Variants in FAM185A observed in about 807,000 individuals in gnomAD.
FAM185A encodes protein FAM185A.
In FAM185A, 21 loss-of-function variants were observed where a neutral mutation model predicts 45.7. The ratio of observed to expected loss-of-function variants is 0.46; its 90% CI spans 0.33 to 0.66. FAM185A has a LOEUF of 0.66. FAM185A is among the 30% of genes least tolerant of loss of function. FAM185A has a pLI of 0.03. For missense variants in FAM185A, 305 were observed against 485.4 expected (o/e 0.63, Z 3.49); for synonymous variants, 117 against 194.0 (o/e 0.60, Z 3.30).
downstream of FAM185A, among the ~76,000 whole-genome samples, chr7:102,811,200 A>C (rs1006050205): frequency 6.6e-6 from 1 of 152,162 alleles, no homozygotes; most frequent in East Asian, 1.9e-4. Context: ...CATAAGCATA[A>C]CAGCAGTCAA....
At chr7:102,770,930 T>A (rs1794707078) in intron 4 of FAM185A, among the ~76,000 whole-genome samples, 1 of 152,250 alleles carries the variant, frequency 6.6e-6, no homozygotes, top group Non-Finnish European at 1.5e-5. Context: ...GCAGCTCTAT[T>A]CACAATAGCA....
At chr7:102,776,309 C>T (rs1191579440) in intron 5 of FAM185A, among the ~76,000 whole-genome samples, 1 of 151,362 alleles carries the variant, frequency 6.6e-6, no homozygotes, top group Non-Finnish European at 1.5e-5. Context: ...ATTCAATTGC[C>T]ATGGGAGAAA....
chr7:102,832,873 G>C, the FAM185A span: 1 of 1,614,194 alleles, frequency 6.2e-7, no homozygotes, highest in Non-Finnish European at 8.5e-7. Flanking sequence ...GAGATGTGAG[G>C]TTAATGCAGT....
chr7:102,783,751 C>T (rs1175841706), intron 6 of FAM185A, among the ~76,000 whole-genome samples: 3 of 151,978 alleles, frequency 2.0e-5, no homozygotes, highest in Non-Finnish European at 4.4e-5. Flanking sequence ...AAAATTGACA[C>T]CCTAACATCA....
chr7:102,816,884 T>A, the FAM185A span, among the ~76,000 whole-genome samples: 1 of 152,228 alleles, frequency 6.6e-6, no homozygotes, highest in Non-Finnish European at 1.5e-5. Flanking sequence ...CTCTGTTAAT[T>A]CACTTAGGAT....
At chr7:102,783,347 A>G (rs540935718) in intron 6 of FAM185A, among the ~76,000 whole-genome samples, 89 of 152,294 alleles carry the variant, frequency 5.8e-4, no homozygotes, top group Admixed American at 1.3e-3. Flanking sequence ...CAGAATATAC[A>G]TTCTTCTCAG....
the FAM185A span, among the ~76,000 whole-genome samples, chr7:102,849,363 C>CT: frequency 6.6e-6 from 1 of 152,232 alleles, no homozygotes; most frequent in Non-Finnish European, 1.5e-5. Flanking sequence ...GACACTGACT[C>CT]TGCGTGTGCT....
At chr7:102,821,501 G>C in the FAM185A span, among the ~76,000 whole-genome samples, 130 of 152,296 alleles carry the variant, frequency 8.5e-4, 3 homozygotes, top group South Asian at 0.025. Flanking sequence ...CTACATGCTT[G>C]AGCCACATTG....
chr7:102,824,785 CTTTTTT>C, the FAM185A span, among the ~76,000 whole-genome samples: 4 of 124,116 alleles, frequency 3.2e-5, no homozygotes, highest in African/African-American at 1.2e-4. Context: ...CATGCCCGGC[CTTTTTT>C]TTTTTTTTTT....
At chr7:102,792,005 C>T (rs532807488) in intron 7 of FAM185A, among the ~76,000 whole-genome samples, 161 of 150,524 alleles carry the variant, frequency 1.1e-3, no homozygotes, top group African/African-American at 3.8e-3. Context: ...GAGCTCAGCT[C>T]ATCTTGGCCT....
At chr7:102,754,823 T>C (rs1793602593) in intron 2 of FAM185A, among the ~76,000 whole-genome samples, 1 of 152,270 alleles carries the variant, frequency 6.6e-6, no homozygotes, top group Admixed American at 6.5e-5. Flanking sequence ...ACTAATTGAA[T>C]GTCACACATT....
chr7:102,849,923 T>C, the FAM185A span, among the ~76,000 whole-genome samples: 26 of 152,000 alleles, frequency 1.7e-4, no homozygotes, highest in East Asian at 5.0e-3. Flanking sequence ...TACAGGTCAA[T>C]AGGTGCAGCA....
intron 2 of FAM185A, among the ~76,000 whole-genome samples, chr7:102,752,814 A>C (rs1584268371): frequency 1.4e-5 from 2 of 139,846 alleles, no homozygotes; most frequent in South Asian, 4.7e-4. Context: ...TGTTACTCTT[A>C]GTGCTTCTTG....
intron 2 of FAM185A, among the ~76,000 whole-genome samples, chr7:102,753,672 T>G (rs1477344368): frequency 6.6e-6 from 1 of 151,912 alleles, no homozygotes; most frequent in African/African-American, 2.4e-5. Flanking sequence ...CTTATTTAGT[T>G]TTTTTAAAAA....
Position 102,772,396 on chromosome 7 carries a change from T to G in FAM185A, c.794-13T>G. On this transcript the variant is annotated splice_polypyrimidine_tract_variant and intron_variant, in intron 4 of 7. Transcript: ENST00000413034. ...GTCTCTAGTACATAAAAGTATCTTT[T>G]TCTTTTTGGCAGGTAATATAACATT... 2 of 1,531,724 alleles carry G rather than the reference T, an allele frequency of 1.3e-6. No individual in the cohort carries two copies. Among genetic ancestry groups the G allele is most frequent in the Non-Finnish European group, 1.8e-6 (2 of 1,134,818 alleles). The allele number at this position is 1,531,724 out of a possible 1,614,324, so 94.9% of individuals were successfully genotyped here. A position where few individuals can be genotyped will look rare whatever the true frequency, so the allele number is the denominator to read the frequency against.
intron 7 of FAM185A, among the ~76,000 whole-genome samples, chr7:102,808,044 G>C (rs1797238046): frequency 6.6e-6 from 1 of 151,778 alleles, no homozygotes; most frequent in Non-Finnish European, 1.5e-5. Context: ...CTGGGCAACA[G>C]AGTGACACTA....
At chr7:102,794,480 G>A (rs1796328149) in intron 7 of FAM185A, among the ~76,000 whole-genome samples, 1 of 152,082 alleles carries the variant, frequency 6.6e-6, no homozygotes, top group Non-Finnish European at 1.5e-5. Context: ...TACTAGAATG[G>A]CAAAAATTAA....
At chr7:102,818,746 G>C in the FAM185A span, among the ~76,000 whole-genome samples, 1 of 151,960 alleles carries the variant, frequency 6.6e-6, no homozygotes, top group African/African-American at 2.4e-5. Context: ...TTGGGCTCCA[G>C]ATAGAAATAT....
At chr7:102,806,112 AC>A (rs1797094959) in intron 7 of FAM185A, among the ~76,000 whole-genome samples, 1 of 151,122 alleles carries the variant, frequency 6.6e-6, no homozygotes, top group South Asian at 2.1e-4. Context: ...ATCTATTTTA[AC>A]CTTTTTGGTT....
Sources: allele counts gnomAD v4.1 joint callset (sites outside exome capture counted in the v4.1 genomes callset), GRCh38; gene constraint gnomAD v4.1.1; transcripts MANE v1.5; gene names NCBI Gene and HGNC (gene_info 2026-07-23, HGNC 2026-07-21).